MSI2: variants seen among roughly 807,000 people sequenced by gnomAD.
The protein encoded by MSI2 is musashi RNA binding protein 2.
In MSI2, 17 loss-of-function variants were observed where a neutral mutation model predicts 45.6. That is an observed-to-expected ratio of 0.37 (90% CI 0.26 to 0.56). MSI2 has a LOEUF of 0.56. MSI2 is among the 20% of genes least tolerant of loss of function. MSI2 has a pLI of 0.77. For synonymous variants in MSI2, 156 were observed against 158.2 expected (o/e 0.99, Z 0.11); for missense variants, 293 against 444.2 (o/e 0.66, Z 3.06).
intron 10 of MSI2, among the ~76,000 whole-genome samples, chr17:57,639,039 A>G (rs545044109): frequency 6.6e-6 from 1 of 152,250 alleles, no homozygotes; most frequent in East Asian, 1.9e-4. Flanking sequence ...CTGTCCTTTC[A>G]TGGTCAAAGA....
chr17:57,498,174 T>G (rs1356434847), intron 6 of MSI2, among the ~76,000 whole-genome samples: 1 of 152,222 alleles, frequency 6.6e-6, no homozygotes, highest in Non-Finnish European at 1.5e-5. Flanking sequence ...TACGATGATT[T>G]AAAAGAAGAG....
chr17:57,389,241 T>C (rs2083742747), intron 5 of MSI2, among the ~76,000 whole-genome samples: 1 of 152,088 alleles, frequency 6.6e-6, no homozygotes, highest in Non-Finnish European at 1.5e-5. Context: ...CCTCCCAAAG[T>C]ACTGGGATTA....
chr17:57,350,225 GGT>G (rs58596259), intron 5 of MSI2, among the ~76,000 whole-genome samples: 130 of 146,328 alleles, frequency 8.9e-4, no homozygotes, highest in Middle Eastern at 3.4e-3. Flanking sequence ...CAGAGGTAGG[GGT>G]GTGTGTGTGT....
Position 57,681,762 on chromosome 17 carries a change from G to A in MSI2, c.*2245G>A, listed in dbSNP as rs1257279002. ...CAAACAACCAGATTAAATGCTGAGCGCTTTTAAAATATCAAAACTTGTTCA... is the reference window on the plus strand; with the variant it reads ...CAAACAACCAGATTAAATGCTGAGCACTTTTAAAATATCAAAACTTGTTCA... On this transcript the variant is annotated 3_prime_UTR_variant, in exon 14 of 14. Coordinates refer to ENST00000284073, the MANE Select transcript of MSI2 (RefSeq NM_138962.4). 4.3e-5 allele frequency: 8 copies of A among 184,696 alleles called. No homozygotes were observed. The highest frequency in any genetic ancestry group is 4.0e-4 in the South Asian group (2 of 5,010). 11.4% of individuals were successfully genotyped at this position (184,696 alleles called of 1,614,324 possible).
intron 5 of MSI2, among the ~76,000 whole-genome samples, chr17:57,317,304 G>A (rs1912927560): frequency 6.6e-6 from 1 of 152,106 alleles, no homozygotes; most frequent in African/African-American, 2.4e-5. Context: ...GACGATGCCT[G>A]GAGACTCTTA....
chr17:57,309,004 T>C (rs528810611), intron 5 of MSI2, among the ~76,000 whole-genome samples: 63 of 152,336 alleles, frequency 4.1e-4, no homozygotes, highest in African/African-American at 1.4e-3. Context: ...GAGGGCTGCC[T>C]GTATTTTCAT....
At chr17:57,404,798 G>A (rs73327238) in intron 6 of MSI2, among the ~76,000 whole-genome samples, 6,916 of 152,078 alleles carry the variant, frequency 0.045, 516 homozygotes, top group African/African-American at 0.16. Context: ...GTGACACACC[G>A]GGAGCTTTAA....
chr17:57,640,181 T>C (rs542718567), intron 10 of MSI2, among the ~76,000 whole-genome samples: 2 of 152,286 alleles, frequency 1.3e-5, no homozygotes, highest in African/African-American at 4.8e-5. Flanking sequence ...GCACAAGCAC[T>C]GGGGCTCCAG....
At chr17:57,433,905 G>T (rs184213693) in intron 6 of MSI2, among the ~76,000 whole-genome samples, 1 of 152,068 alleles carries the variant, frequency 6.6e-6, no homozygotes, top group Non-Finnish European at 1.5e-5. Flanking sequence ...TTAATTTTTG[G>T]TGGGGAAATA....
intron 7 of MSI2, among the ~76,000 whole-genome samples, chr17:57,542,385 T>C (rs978337736): frequency 6.6e-6 from 1 of 152,224 alleles, no homozygotes; most frequent in Admixed American, 6.5e-5. Flanking sequence ...GATTTTCTCA[T>C]GTAGAGACAG....
chr17:57,526,359 G>GTGTGTC (rs2086697481), intron 6 of MSI2, among the ~76,000 whole-genome samples: 2 of 66,932 alleles, frequency 3.0e-5, no homozygotes, highest in Non-Finnish European at 7.5e-5. Context: ...ATACCTGGGT[G>GTGTGTC]TGTGTGTGTG....
At chr17:57,687,516 T>C (rs1240966537), downstream of MSI2, among the ~76,000 whole-genome samples, 1 of 151,836 alleles carries the variant, frequency 6.6e-6, no homozygotes, top group Non-Finnish European at 1.5e-5. Flanking sequence ...AATCAGAAAA[T>C]TTCTTAGCAA....
intron 8 of MSI2, among the ~76,000 whole-genome samples, chr17:57,615,348 T>C (rs1365178867): frequency 6.6e-6 from 1 of 152,054 alleles, no homozygotes; most frequent in Non-Finnish European, 1.5e-5. Flanking sequence ...CAGGCTGATC[T>C]GAAACGCCTG....
chr17:57,465,875 G>A (rs758430447), intron 6 of MSI2, among the ~76,000 whole-genome samples: 1 of 152,194 alleles, frequency 6.6e-6, no homozygotes, highest in Non-Finnish European at 1.5e-5. Context: ...GAGAACGTTA[G>A]CTCAGCTCTG....
intron 6 of MSI2, among the ~76,000 whole-genome samples, chr17:57,479,159 G>T (rs970374313): frequency 8.5e-5 from 13 of 152,262 alleles, no homozygotes; most frequent in African/African-American, 2.9e-4. Flanking sequence ...GGAGACCCTT[G>T]GGCTGCTGGG....
intron 7 of MSI2, among the ~76,000 whole-genome samples, chr17:57,592,677 T>G (rs1904946762): frequency 6.6e-6 from 1 of 152,134 alleles, no homozygotes; most frequent in Non-Finnish European, 1.5e-5. Context: ...TTGTGATACT[T>G]GAATTTTGAG....
intron 6 of MSI2, among the ~76,000 whole-genome samples, chr17:57,517,732 A>T (rs2086499629): frequency 6.6e-6 from 1 of 152,090 alleles, no homozygotes; most frequent in Non-Finnish European, 1.5e-5. Context: ...TGGAGAGAAA[A>T]GGGCCTGGGG....
chr17:57,379,547 A>G (rs1239253450), intron 5 of MSI2, among the ~76,000 whole-genome samples: 3 of 149,028 alleles, frequency 2.0e-5, no homozygotes, highest in Middle Eastern at 3.5e-3. Flanking sequence ...CTTTCTTGGC[A>G]TATCCTGTGT....
chr17:57,458,099 C>CTTTT (rs545653222), intron 6 of MSI2, among the ~76,000 whole-genome samples: 6 of 134,018 alleles, frequency 4.5e-5, no homozygotes, highest in African/African-American at 8.5e-5. Flanking sequence ...ATATATATAC[C>CTTTT]TTTTTTTTTT....
Sources: gnomAD v4.1 joint callset for allele counts (sites outside exome capture counted in the v4.1 genomes callset) on GRCh38, gnomAD v4.1.1 for gene constraint, MANE v1.5 for transcripts, NCBI Gene and HGNC (gene_info 2026-07-23, HGNC 2026-07-21) for gene names.